Variants in KIF9 observed in about 807,000 individuals in gnomAD.
KIF9 encodes the protein kinesin family member 9.
In KIF9, 68 loss-of-function variants were observed where a neutral mutation model predicts 94.8. The ratio of observed to expected loss-of-function variants is 0.72; its 90% confidence interval spans 0.59 to 0.88. The LOEUF (loss-of-function observed/expected upper bound fraction) is 0.88. Among genes scored for constraint, KIF9 ranks in the 40% least tolerant of loss-of-function variants. The pLI is 0.00. For missense variants in KIF9, 882 were observed against 982.5 expected, an observed-to-expected ratio of 0.90 and a Z score of 1.37; for synonymous variants, 343 against 362.1, an observed-to-expected ratio of 0.95 and a Z score of 0.60.
At chr3:47,245,728 C>T in intron 13 of KIF9, 1 of 571,446 alleles carries the variant, frequency 1.7e-6, no homozygotes, top group Non-Finnish European at 3.1e-6. Flanking sequence ...ACAAGGGCTA[C>T]CTTATGTCAT....
At chr3:47,278,738 G>A (rs570656994) in intron 1 of KIF9, among the ~76,000 whole-genome samples, 27 of 152,236 alleles carry the variant, frequency 1.8e-4, no homozygotes, top group Admixed American at 1.5e-3. Flanking sequence ...TTGGGAGGCC[G>A]AGGCAGGTGG....
intron 20 of KIF9, chr3:47,231,627 G>T (rs910585184): frequency 6.6e-6 from 1 of 151,986 alleles, no homozygotes; most frequent in Admixed American, 6.6e-5. Context: ...CACCACAATG[G>T]CCAGGCTGGT....
chr3:47,241,577 C>A (rs1283323446), intron 16 of KIF9, among the ~76,000 whole-genome samples: 1 of 151,438 alleles, frequency 6.6e-6, no homozygotes, highest in African/African-American at 2.4e-5. Flanking sequence ...CCGCCTCAGC[C>A]TCCCAAAGTG....
chr3:47,278,410 T>C (rs886840846), intron 1 of KIF9, among the ~76,000 whole-genome samples: 1 of 152,184 alleles, frequency 6.6e-6, no homozygotes, highest in Non-Finnish European at 1.5e-5. Context: ...TTCATTGTTT[T>C]ATTTTTGGAG....
intron 15 of KIF9, chr3:47,244,493 G>T (rs904596564): frequency 3.2e-6 from 1 of 310,926 alleles, no homozygotes; most frequent in Non-Finnish European, 6.1e-6. Context: ...ACTACTCATT[G>T]GTGGTATGGC....
At chr3:47,281,379 ACT>A (rs780168597) in intron 1 of KIF9, among the ~76,000 whole-genome samples, 1 of 150,910 alleles carries the variant, frequency 6.6e-6, no homozygotes, top group Non-Finnish European at 1.5e-5. Context: ...ACAGGGTCTC[ACT>A]CTGTCACCTA....
At chr3:47,266,026 C>T (rs1024515783) in intron 7 of KIF9, 149 bp from the exon 8 acceptor site, 3 of 711,054 alleles carry the variant, frequency 4.2e-6, no homozygotes, top group Non-Finnish European at 7.0e-6. Flanking sequence ...CAATGTCATG[C>T]GATTGTATTC....
At chr3:47,270,676 CATT>C (rs2107479416) in intron 5 of KIF9, among the ~76,000 whole-genome samples, 1 of 152,144 alleles carries the variant, frequency 6.6e-6, no homozygotes, top group South Asian at 2.1e-4. Context: ...CTAAAATATA[CATT>C]ATTGTTGCCT....
At chr3:47,275,000 A>T (rs1459351402) in intron 3 of KIF9, among the ~76,000 whole-genome samples, 6 of 152,240 alleles carry the variant, frequency 3.9e-5, no homozygotes, top group Non-Finnish European at 5.9e-5. Flanking sequence ...GCTGAGAGAC[A>T]AATGTTTGGA....
Position 47,271,464 on chromosome 3 carries a change from A to G in KIF9, c.367-3T>C, listed in dbSNP as rs1174803407. 1 of 1,613,200 alleles carries G rather than the reference A, an allele frequency of 6.2e-7. No individual in the cohort carries two copies. The highest frequency in any genetic ancestry group is 1.1e-5 in the South Asian group (1 of 91,036). On this transcript the variant is annotated splice_polypyrimidine_tract_variant and splice_region_variant and intron_variant, in intron 4 of 20. Transcript: ENST00000684063. ...CGTTCTTCGATCATCCTAAAAACCT[A>G]GATGACAGATTGTACAGCGGTCACC...
Position 47,236,144 on chromosome 3 carries a change from C to G in KIF9, c.2107G>C (p.Asp703His). ...QCRHRLLMEF[D>H]IWYNESFVIP... ...ACAAAGGACTCATTGTACCAGATGT[C>G]AAATTCTACAAGGAGGTGAGGAGAC... The change falls in exon 19 of 21, where the codon GAC becomes CAC. Residue 703 changes from aspartate to histidine, a missense_variant. By Grantham distance (81) the Asp-to-His change is moderately conservative. Coordinates refer to ENST00000684063, the MANE Select transcript of KIF9 (RefSeq NM_182902.4). The G allele has an allele frequency of 1.2e-6, 2 of 1,611,800 alleles. No homozygotes were observed. Among genetic ancestry groups the G allele is most frequent in the Middle Eastern group, 1.7e-4 (1 of 6,058 alleles).
intron 5 of KIF9, among the ~76,000 whole-genome samples, chr3:47,269,174 G>C (rs192761290): frequency 2.0e-5 from 3 of 152,352 alleles, no homozygotes; most frequent in African/African-American, 7.2e-5. Context: ...CCTGTGAATA[G>C]CCATTGCACA....
In KIF9 at chr3:47,235,275, A is replaced by C. The variant is rs530779053; in HGVS notation, c.2322+238T>G. On this transcript the variant is annotated intron_variant, in intron 20 of 20. Transcript: ENST00000684063. Reference sequence around the variant, plus strand: ...ATCCCTGGGCCTTGTTCTGCGAACCATACATAGGCTAGTCAGTACTCACCA... The same window carrying C: ...ATCCCTGGGCCTTGTTCTGCGAACCCTACATAGGCTAGTCAGTACTCACCA... 5.3e-5 allele frequency among the ~76,000 whole-genome samples: 8 copies of C among 152,306 alleles called. No individual in the cohort carries two copies. In the South Asian group the frequency reaches 1.7e-3, roughly 32 times the overall value.
In KIF9 at chr3:47,271,284, C is replaced by T. The variant is rs1701629559; in HGVS notation, c.544G>A (p.Val182Ile). Residue 182 changes from valine (V) to isoleucine (I), a missense_variant, in exon 5 of 21, where the codon GTT becomes ATT. Physicochemically the swap from Val to Ile is conservative, Grantham distance 29. Coordinates refer to ENST00000684063, the MANE Select transcript of KIF9 (RefSeq NM_182902.4). The part of the protein sequence containing the change: ...PQGVFIKGLS[V>I]HLTSQEEDAF... ...TCCTCCTCCTGACTTGTGAGGTGAA[C>T]TGACAAGCCCTTAATGAAGACTCCT... 1.9e-6 allele frequency: 3 copies of T among 1,613,994 alleles called. No homozygotes were observed. The highest frequency in any genetic ancestry group is 1.3e-5 in the African/African-American group (1 of 74,896).
At chr3:47,258,835 T>C (rs527946626) in intron 9 of KIF9, among the ~76,000 whole-genome samples, 2 of 152,290 alleles carry the variant, frequency 1.3e-5, no homozygotes, top group African/African-American at 2.4e-5. Flanking sequence ...CAGTCTCAGG[T>C]GTGAGAATGG....
rs1698309560 is a variant in KIF9 at position 47,228,265 on chromosome 3, A to C, written c.*387T>G. On this transcript the variant is annotated 3_prime_UTR_variant, in exon 21 of 21. Coordinates refer to ENST00000684063, the MANE Select transcript of KIF9 (RefSeq NM_182902.4). ...GGAAAGGGGCTGACCAGTGTGACAAAGGCCTGCCAGGAGGAGCCTGGCTGA... is the reference window on the plus strand; with the variant it reads ...GGAAAGGGGCTGACCAGTGTGACAACGGCCTGCCAGGAGGAGCCTGGCTGA... The C allele has an allele frequency of 5.8e-6, 1 of 173,182 alleles. No homozygotes were observed. Among genetic ancestry groups the C allele is most frequent in the Admixed American group, 6.0e-5 (1 of 16,726 alleles). 10.7% of individuals were successfully genotyped at this position (173,182 alleles called of 1,614,324 possible).
chr3:47,255,466 G>C (rs1700512676), intron 10 of KIF9, among the ~76,000 whole-genome samples: 1 of 152,128 alleles, frequency 6.6e-6, no homozygotes, highest in African/African-American at 2.4e-5. Context: ...CCACACTTTA[G>C]CCCTTAGCTC....
chr3:47,261,498 G>A (rs1700971320), intron 9 of KIF9, among the ~76,000 whole-genome samples: 1 of 152,186 alleles, frequency 6.6e-6, no homozygotes, highest in South Asian at 2.1e-4. Flanking sequence ...GCCTCAGGAG[G>A]CAGGCCCAGA....
At chr3:47,258,308 C>T (rs941914583) in intron 9 of KIF9, among the ~76,000 whole-genome samples, 2 of 152,130 alleles carry the variant, frequency 1.3e-5, no homozygotes, top group African/African-American at 4.8e-5. Flanking sequence ...TGCAGTGGCA[C>T]AGTCATAGCT....
Sources: allele counts gnomAD v4.1 joint callset (sites outside exome capture counted in the v4.1 genomes callset), GRCh38; gene constraint gnomAD v4.1.1; transcripts MANE v1.5; gene names NCBI Gene and HGNC (gene_info 2026-07-23, HGNC 2026-07-21).